Variants in UNC13A observed in about 807,000 individuals in gnomAD.
The protein encoded by UNC13A is protein unc-13 homolog A.
UNC13A carries 61 observed loss-of-function variants against 219.7 expected under a neutral mutation model. The ratio of observed to expected loss-of-function variants is 0.28; its 90% CI spans 0.23 to 0.34. UNC13A has a LOEUF of 0.34. UNC13A is among the 10% of genes least tolerant of loss of function. The pLI, the probability that UNC13A is intolerant of heterozygous loss-of-function variation, is 1.00. For missense variants in UNC13A, 1,476 were observed against 2,270.3 expected (o/e 0.65, Z 7.11); for synonymous variants, 920 against 884.6 (o/e 1.04, Z -0.71).
In UNC13A at chr19:17,639,847, A is replaced by C. The variant is rs1456017003; in HGVS notation, c.2849T>G (p.Met950Arg). The C allele has an allele frequency of 6.2e-7, 1 of 1,613,750 alleles. No homozygotes were observed. Among genetic ancestry groups the C allele is most frequent in the African/African-American group, 1.3e-5 (1 of 75,018 alleles). ...LHNSLRIDLS[M>R]YRNNFPASSP... ...CATGCACACACTTCCTACCCGGTAC[A>C]TGGAGAGGTCAATCCGCAGGGAGTT... is the stretch of plus-strand genomic sequence containing the variant. Residue 950 changes from methionine (M) to arginine (R), a missense_variant, in exon 23 of 44, where the codon ATG becomes AGG. Met to Arg is a moderately conservative substitution (Grantham distance 91). Around this residue, in one of 14 missense-constraint regions of UNC13A, gnomAD observed 140 missense variants for 270.9 expected, o/e 0.52. Coordinates refer to ENST00000519716, the MANE Select transcript of UNC13A (RefSeq NM_001080421.3).
At chr19:17,631,205 T>TCCC (rs1330934795) in intron 28 of UNC13A, among the ~76,000 whole-genome samples, 24 of 45,052 alleles carry the variant, frequency 5.3e-4, no homozygotes, top group African/African-American at 1.7e-3. Flanking sequence ...CCTCCCTCCC[T>TCCC]TCCTTCCTTC....
In UNC13A at chr19:17,668,278, C is replaced by T; in HGVS notation, c.395-88G>A. ...CAGGCCTACTGAGCTCCACCCGGGC[C>T]CTGGCTTCTGGGGTCTTTGGCAAAG... On this transcript the variant is annotated intron_variant, in intron 5 of 43. Transcript: ENST00000519716. 3 of 1,345,260 alleles carry T rather than the reference C, an allele frequency of 2.2e-6. 1 individual carries two copies. The South Asian group carries it at 3.7e-5, about 17-fold the overall frequency. 83.3% of individuals were successfully genotyped at this position (1,345,260 alleles called of 1,614,324 possible). A position where few individuals can be genotyped will look rare whatever the true frequency, so the allele number is the denominator to read the frequency against.
At chr19:17,620,145 C>T (rs2076712284) in intron 38 of UNC13A, among the ~76,000 whole-genome samples, 1 of 152,114 alleles carries the variant, frequency 6.6e-6, no homozygotes, top group Admixed American at 6.5e-5. Flanking sequence ...CCCACTGTGG[C>T]TAACAGGGAT....
Position 17,656,005 on chromosome 19 carries a change from C to T in UNC13A, c.1161G>A (p.Lys387=), listed in dbSNP as rs757981769. 5.1e-6 allele frequency: 8 copies of T among 1,580,114 alleles called. No homozygotes were observed. The highest frequency in any genetic ancestry group is 6.9e-6 in the Non-Finnish European group (8 of 1,163,354). The change falls in exon 10 of 44, where the codon AAG becomes AAA. Residue 387 remains lysine (K), a synonymous_variant. Coordinates refer to ENST00000519716, the MANE Select transcript of UNC13A (RefSeq NM_001080421.3). ...GGGCCTCGGTGGGTGCCACTGGGGCCTTGTCCTCCTTCCCTGGGGCAGCTG... is the reference window on the plus strand; with the variant it reads ...GGGCCTCGGTGGGTGCCACTGGGGCTTTGTCCTCCTTCCCTGGGGCAGCTG... ...LPPAAPGKED[K]APVAPTEAPD...
intron 42 of UNC13A, among the ~76,000 whole-genome samples, chr19:17,611,528 G>C (rs768310793): frequency 6.6e-6 from 1 of 152,128 alleles, no homozygotes; most frequent in African/African-American, 2.4e-5. Context: ...CTGTGTTCTA[G>C]TCAACAAAAG....
intron 39 of UNC13A, 83 bp from the exon 40 acceptor site, chr19:17,618,584 A>T: frequency 7.2e-7 from 1 of 1,391,530 alleles, no homozygotes; most frequent in Non-Finnish European, 1.0e-6. Context: ...TCCCTGTTCA[A>T]CTTGGAGGAG....
At chr19:17,660,153 C>G (rs1412031776) in intron 8 of UNC13A, among the ~76,000 whole-genome samples, 1 of 152,186 alleles carries the variant, frequency 6.6e-6, no homozygotes, top group Non-Finnish European at 1.5e-5. Context: ...CCTCCCGCCT[C>G]AGCTTCCCAC....
At chr19:17,666,912 A>AT (rs2079662967) in intron 6 of UNC13A, among the ~76,000 whole-genome samples, 1 of 65,640 alleles carries the variant, frequency 1.5e-5, no homozygotes, top group East Asian at 6.7e-4. Context: ...GAGAGAGAGA[A>AT]AGACAGAGAC....
rs549163530 is a variant in UNC13A at position 17,640,752 on chromosome 19, A to C, written c.2637-91T>G. The C allele has an allele frequency of 2.9e-6, 4 of 1,384,730 alleles. No individual in the cohort carries two copies. The African/African-American group carries it at 5.8e-5, about 20-fold the overall frequency. 85.8% of individuals were successfully genotyped at this position (1,384,730 alleles called of 1,614,324 possible). ...GAATGCCTCCAAGATAGCATCTGTG[A>C]GTGGGTCTCTGTCACCTCCTAAACC... On this transcript the variant is annotated intron_variant, in intron 21 of 43. Coordinates refer to ENST00000519716, the MANE Select transcript of UNC13A (RefSeq NM_001080421.3).
chr19:17,658,290 GGGAAGAGGGTGA>G (rs2079496027), intron 8 of UNC13A, 21 bp from the exon 9 acceptor site: 1 of 1,600,284 alleles, frequency 6.2e-7, no homozygotes. Context: ...GAGGCGGTAT[GGGAAGAGGGTGA>G]GGAAGAGAGA....
In UNC13A at chr19:17,621,817, C is replaced by T. The variant is rs769373260; in HGVS notation, c.4242+15G>A. ...ACTGGAGCTCAGGGCCTCAGTGAGA[C>T]GAGGCCCTCATTACCTTTTCTAATC... On this transcript the variant is annotated intron_variant, in intron 37 of 43. Transcript: ENST00000519716. 1.9e-5 allele frequency: 30 copies of T among 1,612,946 alleles called. 1 individual carries two copies. The highest frequency in any genetic ancestry group is 1.8e-4 in the Admixed American group (11 of 59,994).
At chr19:17,682,987 C>T (rs2080046293) in intron 1 of UNC13A, among the ~76,000 whole-genome samples, 1 of 152,062 alleles carries the variant, frequency 6.6e-6, no homozygotes, top group Admixed American at 6.6e-5. Context: ...ATTGCTTGAA[C>T]CCGGGAGGAG....
chr19:17,629,468 C>A, intron 30 of UNC13A, 145 bp from the exon 31 acceptor site: 1 of 640,664 alleles, frequency 1.6e-6, no homozygotes, highest in East Asian at 2.8e-5. Flanking sequence ...GCAAATTCTC[C>A]ACTCAAGATG....
At chr19:17,680,884 C>CTTTTTTTTT (rs2079997096) in intron 1 of UNC13A, among the ~76,000 whole-genome samples, 1 of 69,548 alleles carries the variant, frequency 1.4e-5, no homozygotes, top group Non-Finnish European at 2.9e-5. Flanking sequence ...TTTTTCTTTT[C>CTTTTTTTTT]TTTTCTTTTT....
intron 36 of UNC13A, chr19:17,622,632 T>A (rs1306776294): frequency 6.5e-6 from 1 of 153,590 alleles, no homozygotes; most frequent in African/African-American, 2.4e-5. Context: ...TTGTCTCTGC[T>A]CTTACACATG....
rs950922481 is a variant in UNC13A at position 17,606,165 on chromosome 19, C to T, written c.5001G>A (p.Thr1667=). Residue 1667 remains threonine, a synonymous_variant, in exon 44 of 44, where the codon ACG becomes ACA. Transcript: ENST00000519716. ...TGCGCTGCGAGAGGATTCGCAGCACCGTGAGGCCCGTGTCGTCCATGTGGA... is the reference window on the plus strand; with the variant it reads ...TGCGCTGCGAGAGGATTCGCAGCACTGTGAGGCCCGTGTCGTCCATGTGGA... ...RRIHMDDTGL[T]VLRILSQRSN... 19 of 1,574,728 alleles carry T rather than the reference C, an allele frequency of 1.2e-5. No individual in the cohort carries two copies. The African/African-American group carries it at 1.5e-4, about 12-fold the overall frequency.
At chr19:17,677,303 A>ACC (rs1310787143) in intron 1 of UNC13A, among the ~76,000 whole-genome samples, 1 of 133,088 alleles carries the variant, frequency 7.5e-6, no homozygotes, top group Non-Finnish European at 1.6e-5. Context: ...CTCTACTCCC[A>ACC]CCCCCAATCT....
chr19:17,676,931 T>C (rs1487491363), intron 1 of UNC13A, among the ~76,000 whole-genome samples: 2 of 152,068 alleles, frequency 1.3e-5, no homozygotes, highest in Non-Finnish European at 2.9e-5. Flanking sequence ...GGAGAATCAC[T>C]TGAACCCAGG....
rs1731735802 is a variant in UNC13A, at chr19:17,663,542, A to G, written c.549T>C (p.Gly183=). The part of the protein sequence containing the change: ...QCCNWNYFGW[G]EQHNDDPDSA... ...AGGCTGAGTACTTACTGTGCTGCTCACCCCAGCCAAAATAATTCCAGTTGC... is the reference window on the plus strand; with the variant it reads ...AGGCTGAGTACTTACTGTGCTGCTCGCCCCAGCCAAAATAATTCCAGTTGC... The change falls in exon 8 of 44, where the codon GGT becomes GGC. Residue 183 remains glycine (G), a synonymous_variant. Transcript: ENST00000519716. 6.2e-7 allele frequency: 1 copy of G among 1,612,506 alleles called. No homozygotes were observed. Among genetic ancestry groups the G allele is most frequent in the Non-Finnish European group, 8.5e-7 (1 of 1,179,378 alleles).
Sources: gnomAD v4.1 joint callset for allele counts (sites outside exome capture counted in the v4.1 genomes callset) on GRCh38, gnomAD v4.1.1 for gene constraint, gnomAD v4.1.1 regional missense constraint, MANE v1.5 for transcripts, NCBI Gene and HGNC (gene_info 2026-07-23, HGNC 2026-07-21) for gene names.